Variants in BAZ2B observed in about 807,000 individuals in gnomAD.
The protein encoded by BAZ2B is bromodomain adjacent to zinc finger domain 2B.
Under a neutral mutation model 246.0 loss-of-function variants are expected in BAZ2B, and 91 were observed. The ratio of observed to expected loss-of-function variants is 0.37; its 90% CI spans 0.31 to 0.44. BAZ2B has a LOEUF of 0.44. Ranked by LOEUF, BAZ2B falls within the 20% of genes least tolerant of loss-of-function variation. BAZ2B has a pLI of 1.00. For missense variants in BAZ2B, 2,332 were observed against 2,533.7 expected (o/e 0.92, Z 1.71); for synonymous variants, 855 against 860.0 (o/e 0.99, Z 0.10).
intron 2 of BAZ2B, among the ~76,000 whole-genome samples, chr2:159,501,815 C>T (rs1196453415): frequency 2.0e-5 from 3 of 152,130 alleles, no homozygotes; most frequent in Non-Finnish European, 4.4e-5. Flanking sequence ...TAGAATTCTA[C>T]TCCTATTCTT....
chr2:159,692,050 T>G, the BAZ2B span, among the ~76,000 whole-genome samples: 1 of 152,208 alleles, frequency 6.6e-6, no homozygotes, highest in Non-Finnish European at 1.5e-5. Context: ...TTGACAAACT[T>G]TAACTTTTTA....
At chr2:159,673,287 T>C in the BAZ2B span, among the ~76,000 whole-genome samples, 2 of 152,164 alleles carry the variant, frequency 1.3e-5, no homozygotes, top group Non-Finnish European at 2.9e-5. Flanking sequence ...ATGAGGCAAA[T>C]GCAAATTAAA....
intron 16 of BAZ2B, among the ~76,000 whole-genome samples, chr2:159,401,269 C>T (rs2065024341): frequency 6.6e-6 from 1 of 152,064 alleles, no homozygotes; most frequent in African/African-American, 2.4e-5. Flanking sequence ...ACAAATAATA[C>T]TTAACTTGAA....
intron 18 of BAZ2B, among the ~76,000 whole-genome samples, chr2:159,397,722 G>A (rs61512970): frequency 7.9e-5 from 12 of 152,246 alleles, no homozygotes; most frequent in African/African-American, 2.9e-4. Flanking sequence ...GATGGTCAGA[G>A]CCTATCAGAT....
In BAZ2B at chr2:159,385,160, C is replaced by T. The variant is rs770964200; in HGVS notation, c.3681G>A (p.Val1227=). The change falls in exon 23 of 37, where the codon GTG becomes GTA. Residue 1227 remains valine (V), a synonymous_variant. Transcript: ENST00000392783. Reference sequence around the variant, plus strand: ...AAGCCTGGGCATATGCTCACCTGACCACACTCTTGCTGCATGCCAGTTCAT... The same window carrying T: ...AAGCCTGGGCATATGCTCACCTGACTACACTCTTGCTGCATGCCAGTTCAT... ...LINELACSKS[V]VSEIDKNIDY... is the part of the protein sequence containing the mutation. 1 of 1,611,618 alleles carries T rather than the reference C, an allele frequency of 6.2e-7. No homozygotes were observed. The highest frequency in any genetic ancestry group is 1.1e-5 in the South Asian group (1 of 91,008).
intron 2 of BAZ2B, among the ~76,000 whole-genome samples, chr2:159,512,278 C>A (rs1304099451): frequency 1.3e-5 from 2 of 152,138 alleles, no homozygotes; most frequent in Admixed American, 6.5e-5. Flanking sequence ...AGTATTAATT[C>A]ACATGAAATA....
At position 159,448,395 on chromosome 2, in the gene BAZ2B, G is replaced by A. The variant is rs2074563168; in HGVS notation, c.349C>T (p.Arg117Ter). The change falls in exon 5 of 37, where the codon CGA becomes TGA. Residue 117 changes from arginine to a stop codon, truncating the protein, a stop_gained. Coordinates refer to ENST00000392783, the MANE Select transcript of BAZ2B (RefSeq NM_013450.4). LOFTEE classifies it high-confidence loss of function. ...LASFPGAEWW[R>*]TTDAHTRTGA... Reference sequence around the variant, plus strand: ...GTACGAGTATGAGCATCAGTTGTTCGCCACCATTCTGCACCTCAAAACCAA... The same window carrying A: ...GTACGAGTATGAGCATCAGTTGTTCACCACCATTCTGCACCTCAAAACCAA... 1.3e-6 allele frequency: 2 copies of A among 1,585,618 alleles called. No homozygotes were observed. The highest frequency in any genetic ancestry group is 1.7e-6 in the Non-Finnish European group (2 of 1,171,332).
chr2:159,607,498 A>G (rs1410194244), intron 1 of BAZ2B, among the ~76,000 whole-genome samples: 1 of 152,208 alleles, frequency 6.6e-6, no homozygotes, highest in Non-Finnish European at 1.5e-5. Flanking sequence ...TAAGCCTATC[A>G]CTGAAATGGA....
chr2:159,496,136 G>A (rs1235245042), intron 2 of BAZ2B, among the ~76,000 whole-genome samples: 2 of 149,322 alleles, frequency 1.3e-5, no homozygotes, highest in African/African-American at 4.9e-5. Flanking sequence ...AGCACTTTGG[G>A]AGGTCAAGGT....
chr2:159,456,620 T>G lies in BAZ2B; in HGVS notation c.146-2819A>C, dbSNP rs189601711. 3.3e-5 allele frequency among the ~76,000 whole-genome samples: 5 copies of G among 152,260 alleles called. No homozygotes were observed. In the East Asian group the frequency reaches 9.6e-4, roughly 29 times the overall value. ...TATAGATCTGTACACAAGAATGACATCTATGCCTGGCAAGAATGCAGAGAT... is the reference window on the plus strand; with the variant it reads ...TATAGATCTGTACACAAGAATGACAGCTATGCCTGGCAAGAATGCAGAGAT... On this transcript the variant is annotated intron_variant, in intron 3 of 36. Coordinates refer to ENST00000392783, the MANE Select transcript of BAZ2B (RefSeq NM_013450.4).
chr2:159,605,796 C>T (rs1693350373), intron 1 of BAZ2B, among the ~76,000 whole-genome samples: 1 of 152,182 alleles, frequency 6.6e-6, no homozygotes, highest in African/African-American at 2.4e-5. Flanking sequence ...TCTTCCCAGG[C>T]ATGCCTTATT....
chr2:159,511,854 CT>C (rs1467219406), intron 2 of BAZ2B, among the ~76,000 whole-genome samples: 1 of 151,994 alleles, frequency 6.6e-6, no homozygotes, highest in Non-Finnish European at 1.5e-5. Flanking sequence ...CTTAAATAAT[CT>C]GTTTAATGAT....
Position 159,505,382 on chromosome 2 carries a change from C to T in BAZ2B, c.-2-26661G>A, listed in dbSNP as rs111400416. Among the ~76,000 whole-genome samples the T allele has an allele frequency of 2.6e-5, 4 of 152,258 alleles. 1 individual carries two copies. Among genetic ancestry groups the T allele is most frequent in the African/African-American group, 9.6e-5 (4 of 41,536 alleles). ...ATAAATCTGTGACAAGGCCCATCTC[C>T]AGATCAATTATATCAGAATCTCTGG... On this transcript the variant is annotated intron_variant, in intron 2 of 36. Coordinates refer to ENST00000392783, the MANE Select transcript of BAZ2B (RefSeq NM_013450.4).
intron 27 of BAZ2B, among the ~76,000 whole-genome samples, chr2:159,357,073 A>T (rs997886273): frequency 1.3e-5 from 2 of 152,166 alleles, no homozygotes; most frequent in Admixed American, 1.3e-4. Flanking sequence ...CTTCTCCTCC[A>T]AAGGATCACA....
Position 159,412,545 on chromosome 2 carries a change from C to G in BAZ2B, c.2467G>C (p.Gly823Arg). 6.2e-7 allele frequency: 1 copy of G among 1,610,486 alleles called. No homozygotes were observed. Among genetic ancestry groups the G allele is most frequent in the African/African-American group, 1.3e-5 (1 of 74,890 alleles). ...TCTTTCAAAAGACACCACTGCATTC[C>G]CTTTTAATTAACATTTTATAGAAAT... is the stretch of plus-strand genomic sequence containing the variant. Reference protein sequence around the residue: ...DFYEARDGPQGMQWCLLKEED... With the variant: ...DFYEARDGPQRMQWCLLKEED... Residue 823 changes from glycine to arginine, a missense_variant and splice_region_variant, in exon 14 of 37, where the codon GGA (glycine) becomes CGA (arginine). Gly to Arg is a moderately radical substitution (Grantham distance 125). Transcript: ENST00000392783.
chr2:159,465,889 G>A (rs561767036), intron 3 of BAZ2B, among the ~76,000 whole-genome samples: 1 of 151,598 alleles, frequency 6.6e-6, no homozygotes, highest in South Asian at 2.1e-4. Context: ...ACTCCAGCCT[G>A]GACAACAGAG....
chr2:159,699,973 CAGAAA>C, the BAZ2B span, among the ~76,000 whole-genome samples: 1 of 152,226 alleles, frequency 6.6e-6, no homozygotes, highest in East Asian at 1.9e-4. Context: ...CTTAACATGA[CAGAAA>C]AGAAGACAGT....
chr2:159,428,345 C>T lies in BAZ2B; in HGVS notation c.2330G>A (p.Gly777Glu), dbSNP rs1333667295. Residue 777 changes from glycine to glutamate, a missense_variant, in exon 12 of 37, where the codon GGA (glycine) becomes GAA (glutamate). Around this residue, in one of 9 missense-constraint regions of BAZ2B, gnomAD observed 651 missense variants for 650.9 expected, o/e 1.00. Transcript: ENST00000392783. ...QGEVAYYAPC[G>E]KKLRQYPEVI... is the part of the protein sequence containing the mutation. The stretch of plus-strand genomic sequence containing the variant: ...TTCAGGGTACTGCCTAAGTTTCTTT[C>T]CACATGGAGCATAATATGCTACTTC... 3.7e-6 allele frequency: 6 copies of T among 1,613,104 alleles called. No homozygotes were observed. Among genetic ancestry groups the T allele is most frequent in the Non-Finnish European group, 5.1e-6 (6 of 1,179,576 alleles).
Position 159,348,806 on chromosome 2 carries a change from A to G in BAZ2B, c.5165T>C (p.Ile1722Thr), listed in dbSNP as rs749478861. The G allele has an allele frequency of 1.0e-5, 16 of 1,606,468 alleles. No individual in the cohort carries two copies. In the East Asian group the frequency reaches 3.6e-4, roughly 36 times the overall value. ...EEMQFGWWRI[I>T]DPEDLKALLK... ...CAAAGCTTTTAGGTCCTCTGGGTCA[A>G]TAATTCTCCACCAACCAAACTGCAT... Residue 1722 changes from isoleucine to threonine, a missense_variant, in exon 30 of 37, where the codon ATT (isoleucine) becomes ACT (threonine). Ile to Thr is a moderately conservative substitution (Grantham distance 89). Around this residue, in one of 9 missense-constraint regions of BAZ2B, gnomAD observed 676 missense variants for 668.6 expected, o/e 1.01. Transcript: ENST00000392783.
Sources: allele counts gnomAD v4.1 joint callset (sites outside exome capture counted in the v4.1 genomes callset), GRCh38; gene constraint gnomAD v4.1.1; regional missense constraint gnomAD v4.1.1; transcripts MANE v1.5; gene names NCBI Gene and HGNC (gene_info 2026-07-23, HGNC 2026-07-21).